FAM13A: variants seen among roughly 807,000 people sequenced by gnomAD.
The protein encoded by FAM13A is family with sequence similarity 13 member A.
A neutral mutation model predicts 129.6 loss-of-function variants in FAM13A; 76 were observed. The ratio of observed to expected loss-of-function variants is 0.59; its 90% CI spans 0.49 to 0.71. The LOEUF is 0.71. FAM13A is among the 30% of genes least tolerant of loss of function. FAM13A has a pLI of 0.00. For synonymous variants in FAM13A, 443 were observed against 449.9 expected, an observed-to-expected ratio of 0.98 and a Z score of 0.20; for missense variants, 1,108 against 1,249.3, an observed-to-expected ratio of 0.89 and a Z score of 1.70.
intron 8 of FAM13A, among the ~76,000 whole-genome samples, chr4:88,803,901 G>T (rs1238916945): frequency 6.6e-6 from 1 of 152,142 alleles, no homozygotes; most frequent in African/African-American, 2.4e-5. Context: ...CAACAAGTCA[G>T]ATTCAAAAAT....
At chr4:89,010,465 G>T (rs919119957) in intron 3 of FAM13A, among the ~76,000 whole-genome samples, 2 of 152,040 alleles carry the variant, frequency 1.3e-5, no homozygotes, top group African/African-American at 4.8e-5. Flanking sequence ...TTCCTAGAAA[G>T]TTGAAGACTG....
In FAM13A at chr4:88,726,334, A is replaced by AAAAC. The variant is rs1736463392; in HGVS notation, c.*2195_*2198dup. 6.6e-6 allele frequency: 1 copy of AAAAC among 152,162 alleles called. No individual in the cohort carries two copies. The highest frequency in any genetic ancestry group is 1.5e-5 in the Non-Finnish European group (1 of 68,046). 9.4% of individuals were successfully genotyped at this position (152,162 alleles called of 1,614,324 possible). A position where few individuals can be genotyped will look rare whatever the true frequency, so the allele number is the denominator to read the frequency against. Reference sequence around the variant, plus strand: ...AGTTAGTTAGTGGAAATTACAAAGGAAAACACAACATCTCATACACAATTT... The same window carrying AAAAC: ...AGTTAGTTAGTGGAAATTACAAAGGAAAACAAACACAACATCTCATACACAATTT... On this transcript the variant is annotated 3_prime_UTR_variant, in exon 24 of 24. Coordinates refer to ENST00000264344, the MANE Select transcript of FAM13A (RefSeq NM_014883.4).
At chr4:89,046,575 C>A (rs567506112) in intron 1 of FAM13A, among the ~76,000 whole-genome samples, 6 of 152,162 alleles carry the variant, frequency 3.9e-5, no homozygotes, top group African/African-American at 1.4e-4. Flanking sequence ...AGTGGCCGGG[C>A]ACAGTAGCTC....
At chr4:88,811,527 C>CTTGCA (rs969118523) in intron 7 of FAM13A, among the ~76,000 whole-genome samples, 2 of 148,956 alleles carry the variant, frequency 1.3e-5, no homozygotes, top group African/African-American at 5.0e-5. Context: ...TGATTAACAG[C>CTTGCA]TTGCAATGTC....
At chr4:88,982,929 G>A (rs1369163724) in intron 4 of FAM13A, among the ~76,000 whole-genome samples, 1 of 151,946 alleles carries the variant, frequency 6.6e-6, no homozygotes. Context: ...TCCTTCTTCT[G>A]AGACTACACA....
chr4:88,866,125 G>A (rs944130465), intron 6 of FAM13A, among the ~76,000 whole-genome samples: 3 of 151,682 alleles, frequency 2.0e-5, no homozygotes, highest in Non-Finnish European at 4.4e-5. Flanking sequence ...TTGGCTTACT[G>A]AAACCTCTGC....
intron 6 of FAM13A, among the ~76,000 whole-genome samples, chr4:88,884,422 CACAAA>C (rs1744082751): frequency 6.6e-6 from 1 of 152,078 alleles, no homozygotes; most frequent in African/African-American, 2.4e-5. Flanking sequence ...TCAATAGAGG[CACAAA>C]AAGTATTTGA....
chr4:88,880,669 A>G (rs1289572017), intron 6 of FAM13A, among the ~76,000 whole-genome samples: 2 of 151,924 alleles, frequency 1.3e-5, no homozygotes. Context: ...CAAACCATGA[A>G]AGCCCTGCTT....
chr4:88,879,149 A>G (rs1261586092), intron 6 of FAM13A, among the ~76,000 whole-genome samples: 2 of 152,228 alleles, frequency 1.3e-5, no homozygotes, highest in Non-Finnish European at 2.9e-5. Flanking sequence ...CAATTAATAC[A>G]GCCACTATAA....
chr4:88,872,112 A>G (rs927159637), intron 6 of FAM13A, among the ~76,000 whole-genome samples: 7 of 152,210 alleles, frequency 4.6e-5, no homozygotes, highest in African/African-American at 1.7e-4. Context: ...TTTTGTCACC[A>G]CCAGGCCTGC....
At chr4:88,777,291 T>C (rs1320104065) in intron 11 of FAM13A, among the ~76,000 whole-genome samples, 1 of 152,154 alleles carries the variant, frequency 6.6e-6, no homozygotes, top group African/African-American at 2.4e-5. Flanking sequence ...GGAAACTTAC[T>C]TTGTCATTTG....
At chr4:88,809,764 T>C (rs995597086) in intron 7 of FAM13A, among the ~76,000 whole-genome samples, 2 of 151,738 alleles carry the variant, frequency 1.3e-5, no homozygotes, top group Non-Finnish European at 2.9e-5. Context: ...TCGTTAACCA[T>C]GCCCCTTGCC....
At chr4:88,794,885 G>A (rs979299447) in intron 8 of FAM13A, among the ~76,000 whole-genome samples, 5 of 151,562 alleles carry the variant, frequency 3.3e-5, no homozygotes, top group African/African-American at 7.3e-5. Flanking sequence ...CTTAAAATAC[G>A]ATAAGTTGAT....
chr4:88,732,049 T>G lies in FAM13A; in HGVS notation c.2796A>C (p.Ser932=), dbSNP rs1295752013. 3 of 1,613,938 alleles carry G rather than the reference T, an allele frequency of 1.9e-6. No individual in the cohort carries two copies. The highest frequency in any genetic ancestry group is 2.7e-5 in the African/African-American group (2 of 74,934). The part of the protein sequence containing the change: ...FISPMDDKIP[S]KCSQDTGLSN... Reference sequence around the variant, plus strand: ...AAAGCCCTGTGTCCTGGCTGCATTTTGATGGTATTTTATCATCCATTGGGG... The same window carrying G: ...AAAGCCCTGTGTCCTGGCTGCATTTGGATGGTATTTTATCATCCATTGGGG... Residue 932 remains serine (S), a synonymous_variant, in exon 22 of 24, where the codon TCA becomes TCC. Coordinates refer to ENST00000264344, the MANE Select transcript of FAM13A (RefSeq NM_014883.4).
chr4:88,870,619 C>T (rs1316488926), intron 6 of FAM13A, among the ~76,000 whole-genome samples: 1 of 152,176 alleles, frequency 6.6e-6, no homozygotes, highest in East Asian at 1.9e-4. Flanking sequence ...AGTAGGTAAA[C>T]AAAGCGGCCA....
At chr4:89,023,041 A>C (rs182149225) in intron 2 of FAM13A, among the ~76,000 whole-genome samples, 2 of 152,342 alleles carry the variant, frequency 1.3e-5, no homozygotes, top group East Asian at 3.9e-4. Context: ...CCTGACCCAC[A>C]GAAACTATGA....
intron 5 of FAM13A, among the ~76,000 whole-genome samples, chr4:88,921,015 G>T (rs1169679615): frequency 6.6e-6 from 1 of 152,104 alleles, no homozygotes; most frequent in Non-Finnish European, 1.5e-5. Flanking sequence ...AGAATAAAAA[G>T]AAATGAACAA....
intron 6 of FAM13A, chr4:88,855,790 A>G (rs151017569): frequency 1.3e-5 from 2 of 152,216 alleles, no homozygotes; most frequent in East Asian, 1.9e-4. Context: ...ACATTAAAAT[A>G]TCATGCCTCA....
intron 6 of FAM13A, among the ~76,000 whole-genome samples, chr4:88,886,498 G>T (rs991395480): frequency 1.4e-4 from 21 of 152,034 alleles, no homozygotes; most frequent in African/African-American, 4.8e-4. Context: ...TGAGGCAGGA[G>T]AATTGCTTGA....
Sources: allele counts gnomAD v4.1 joint callset (sites outside exome capture counted in the v4.1 genomes callset), GRCh38; gene constraint gnomAD v4.1.1; transcripts MANE v1.5; gene names NCBI Gene and HGNC (gene_info 2026-07-23, HGNC 2026-07-21).